IFT80: variants seen among roughly 807,000 people sequenced by gnomAD.
IFT80 encodes intraflagellar transport protein 80 homolog.
Under a neutral mutation model 107.9 loss-of-function variants are expected in IFT80, and 79 were observed. The ratio of observed to expected loss-of-function variants is 0.73; its 90% CI spans 0.61 to 0.88. The LOEUF (loss-of-function observed/expected upper bound fraction) is 0.88, where lower values mean the gene tolerates loss of function less well. Among genes scored for constraint, IFT80 ranks in the 40% least tolerant of loss-of-function variants. The pLI is 0.00. For synonymous variants in IFT80, 299 were observed against 300.9 expected (o/e 0.99, Z 0.07); for missense variants, 797 against 914.2 (o/e 0.87, Z 1.65).
intron 8 of IFT80, among the ~76,000 whole-genome samples, chr3:160,327,582 G>A (rs1576815712): frequency 1.3e-5 from 2 of 151,862 alleles, no homozygotes; most frequent in African/African-American, 4.8e-5. Context: ...GAGGAAAGGA[G>A]TCCCTATTTA....
chr3:160,306,296 T>A (rs1318354594), intron 10 of IFT80, among the ~76,000 whole-genome samples: 1 of 152,174 alleles, frequency 6.6e-6, no homozygotes, highest in Non-Finnish European at 1.5e-5. Flanking sequence ...ATGATACTAA[T>A]CCTACAGATT....
At chr3:160,283,879 T>C (rs952960643) in intron 13 of IFT80, among the ~76,000 whole-genome samples, 7 of 152,200 alleles carry the variant, frequency 4.6e-5, no homozygotes, top group Non-Finnish European at 1.0e-4. Flanking sequence ...TAGGTTCTAT[T>C]CCTCCTGGGT....
chr3:160,373,399 T>A (rs1048563079), intron 5 of IFT80: 1 of 152,144 alleles, frequency 6.6e-6, no homozygotes, highest in African/African-American at 2.4e-5. Flanking sequence ...TCCAGACTCA[T>A]TATACAGGAA....
At chr3:160,274,901 C>T (rs1402870106) in intron 18 of IFT80, among the ~76,000 whole-genome samples, 1 of 152,222 alleles carries the variant, frequency 6.6e-6, no homozygotes, top group Non-Finnish European at 1.5e-5. Context: ...GCCTGGATGA[C>T]AGAGCGAGAC....
At chr3:160,396,280 GTCTATA>G (rs1454495017) in intron 1 of IFT80, among the ~76,000 whole-genome samples, 1 of 151,884 alleles carries the variant, frequency 6.6e-6, no homozygotes, top group African/African-American at 2.4e-5. Context: ...TCTGCACTGT[GTCTATA>G]TCTAATTTAT....
intron 8 of IFT80, among the ~76,000 whole-genome samples, chr3:160,348,451 C>A (rs1440687435): frequency 6.6e-6 from 1 of 152,062 alleles, no homozygotes; most frequent in African/African-American, 2.4e-5. Context: ...GTACTCCAGA[C>A]AAAATACAAA....
chr3:160,310,577 C>T (rs1717165701), intron 9 of IFT80, among the ~76,000 whole-genome samples: 1 of 152,152 alleles, frequency 6.6e-6, no homozygotes, highest in Admixed American at 6.5e-5. Context: ...GTTACTATTT[C>T]ACAACCCCCA....
Position 160,285,865 on chromosome 3 carries a change from A to G in IFT80, c.1319T>C (p.Ile440Thr), listed in dbSNP as rs1559919327. The change falls in exon 13 of 20, where the codon ATC (isoleucine) becomes ACC (threonine). Residue 440 changes from isoleucine (I) to threonine (T), a missense_variant. Coordinates refer to ENST00000326448, the MANE Select transcript of IFT80 (RefSeq NM_020800.3). Reference protein sequence around the residue: ...AIRDKADEKIIFLFEASTGKP... With the variant: ...AIRDKADEKITFLFEASTGKP... ...TCCGGTTGATGCCTCAAAGAGGAAG[A>G]TTACTTGAAAAAAAGTAGAACATTA... 6.2e-7 allele frequency: 1 copy of G among 1,609,430 alleles called. No homozygotes were observed. Among genetic ancestry groups the G allele is most frequent in the Non-Finnish European group, 8.5e-7 (1 of 1,176,508 alleles).
At chr3:160,384,007 G>T (rs913816062) in intron 2 of IFT80, 1 of 865,708 alleles carries the variant, frequency 1.2e-6, no homozygotes, top group Non-Finnish European at 1.4e-6. Flanking sequence ...CACTTTGGGA[G>T]GCTGGGGCGG....
intron 4 of IFT80, among the ~76,000 whole-genome samples, chr3:160,376,281 G>A (rs1366813148): frequency 6.6e-6 from 1 of 152,216 alleles, no homozygotes; most frequent in Non-Finnish European, 1.5e-5. Flanking sequence ...GTTGGGGACT[G>A]AATGAAGTGA....
At chr3:160,279,605 T>C (rs1714532456) in intron 15 of IFT80, among the ~76,000 whole-genome samples, 1 of 152,244 alleles carries the variant, frequency 6.6e-6, no homozygotes, top group African/African-American at 2.4e-5. Context: ...TATAACTTGC[T>C]ATATAAAGTA....
intron 12 of IFT80, chr3:160,298,960 G>C (rs891036602): frequency 4.3e-6 from 1 of 230,524 alleles, no homozygotes; most frequent in Non-Finnish European, 7.2e-6. Context: ...ATAATCTTAT[G>C]GTATATGCAG....
At chr3:160,334,202 A>T (rs988688340) in intron 8 of IFT80, among the ~76,000 whole-genome samples, 1 of 152,208 alleles carries the variant, frequency 6.6e-6, no homozygotes, top group African/African-American at 2.4e-5. Flanking sequence ...AATGGTACTA[A>T]GGTTAGGTTA....
intron 8 of IFT80, among the ~76,000 whole-genome samples, chr3:160,327,159 C>T (rs1479037337): frequency 1.3e-5 from 2 of 152,074 alleles, no homozygotes; most frequent in African/African-American, 2.4e-5. Flanking sequence ...CAAACCACTG[C>T]TCAAAGAAAT....
At chr3:160,394,785 T>C (rs1470217439) in intron 1 of IFT80, among the ~76,000 whole-genome samples, 1 of 151,838 alleles carries the variant, frequency 6.6e-6, no homozygotes, top group Non-Finnish European at 1.5e-5. Context: ...AAAAATGAGA[T>C]GAATTTGTAC....
chr3:160,390,002 G>A (rs1486018201), intron 1 of IFT80, among the ~76,000 whole-genome samples: 1 of 152,158 alleles, frequency 6.6e-6, no homozygotes, highest in Non-Finnish European at 1.5e-5. Flanking sequence ...AAAGGGACCA[G>A]GAGATTTTAG....
intron 18 of IFT80, among the ~76,000 whole-genome samples, chr3:160,271,395 A>G (rs1713794654): frequency 6.6e-6 from 1 of 152,192 alleles, no homozygotes; most frequent in Admixed American, 6.5e-5. Context: ...CATAACTTGA[A>G]TGAAGCGAAA....
At chr3:160,265,044 A>T (rs560283231) in intron 19 of IFT80, among the ~76,000 whole-genome samples, 2 of 152,284 alleles carry the variant, frequency 1.3e-5, no homozygotes, top group African/African-American at 4.8e-5. Flanking sequence ...AGCACCACGT[A>T]CATCTCCTTC....
At chr3:160,262,762 T>C (rs1185365756) in intron 19 of IFT80, among the ~76,000 whole-genome samples, 1 of 152,176 alleles carries the variant, frequency 6.6e-6, no homozygotes, top group East Asian at 1.9e-4. Context: ...CTGCAGCTTG[T>C]CTTTAGCTCA....
Sources: allele counts gnomAD v4.1 joint callset (sites outside exome capture counted in the v4.1 genomes callset), GRCh38; gene constraint gnomAD v4.1.1; transcripts MANE v1.5; gene names NCBI Gene and HGNC (gene_info 2026-07-23, HGNC 2026-07-21).